Variants in ADGRV1 observed in about 807,000 individuals in gnomAD.
ADGRV1 encodes the protein adhesion G protein-coupled receptor V1.
A neutral mutation model predicts 596.2 loss-of-function variants in ADGRV1; 359 were observed. The ratio of observed to expected loss-of-function variants is 0.60; its 90% CI spans 0.55 to 0.66. ADGRV1 has a LOEUF of 0.66. Ranked by LOEUF, ADGRV1 falls within the 30% of genes least tolerant of loss-of-function variation. The pLI, the probability that ADGRV1 is intolerant of heterozygous loss-of-function variation, is 0.00. For missense variants in ADGRV1, 7,274 were observed against 7,575.6 expected (o/e 0.96, Z 1.48); for synonymous variants, 2,681 against 2,679.2 (o/e 1.00, Z -0.02).
intron 85 of ADGRV1, among the ~76,000 whole-genome samples, chr5:90,992,123 C>T (rs1263183496): frequency 1.3e-5 from 2 of 152,238 alleles, no homozygotes; most frequent in Non-Finnish European, 2.9e-5. Context: ...TGAAAGTACG[C>T]TTCCCCACGA....
intron 87 of ADGRV1, among the ~76,000 whole-genome samples, chr5:91,140,591 C>A (rs1190577644): frequency 6.6e-6 from 1 of 151,868 alleles, no homozygotes; most frequent in Non-Finnish European, 1.5e-5. Context: ...GATGCCAAAC[C>A]TTTTCTATAT....
intron 87 of ADGRV1, among the ~76,000 whole-genome samples, chr5:91,123,669 G>T (rs1793514748): frequency 6.6e-6 from 1 of 152,162 alleles, no homozygotes. Flanking sequence ...TTTCTGAATT[G>T]ACTTATAATT....
chr5:90,760,076 C>G (rs897251184), intron 58 of ADGRV1: 1 of 152,626 alleles, frequency 6.6e-6, no homozygotes, highest in Non-Finnish European at 1.4e-5. Flanking sequence ...AGTTTGAGAC[C>G]AGCTTGGCCA....
In ADGRV1 at chr5:91,146,765, C is replaced by T. The variant is rs749569626; in HGVS notation, c.18433-3265C>T. ...ACTTTTTTGGAAGTTAAGAAGTTTG[C>T]TTTCTAAAACAAAATGTACATAGCT... On this transcript the variant is annotated intron_variant, in intron 87 of 89. Transcript: ENST00000405460. Among the ~76,000 whole-genome samples the T allele has an allele frequency of 1.2e-4, 19 of 152,134 alleles. 1 individual carries two copies. The highest frequency in any genetic ancestry group is 4.1e-4 in the South Asian group (2 of 4,828).
At chr5:90,783,627 G>C (rs1759100546) in intron 66 of ADGRV1, among the ~76,000 whole-genome samples, 1 of 152,140 alleles carries the variant, frequency 6.6e-6, no homozygotes, top group Non-Finnish European at 1.5e-5. Flanking sequence ...CAATTAAAAA[G>C]AGGGCAAGAA....
intron 50 of ADGRV1, among the ~76,000 whole-genome samples, chr5:90,737,744 C>T (rs1753436242): frequency 6.6e-6 from 1 of 151,864 alleles, no homozygotes; most frequent in Non-Finnish European, 1.5e-5. Flanking sequence ...ATAAGTATAT[C>T]TACCCTTCTG....
intron 85 of ADGRV1, among the ~76,000 whole-genome samples, chr5:90,998,765 G>A (rs1208554020): frequency 6.6e-6 from 1 of 152,102 alleles, no homozygotes; most frequent in Non-Finnish European, 1.5e-5. Flanking sequence ...GGCAGTGCCT[G>A]TTTCCCAACA....
At chr5:91,013,931 C>T (rs1420350535) in intron 85 of ADGRV1, among the ~76,000 whole-genome samples, 1 of 151,914 alleles carries the variant, frequency 6.6e-6, no homozygotes. Flanking sequence ...TATGGCTAGA[C>T]ATTTATCCCA....
At chr5:90,721,264 G>A (rs1750886159) in intron 45 of ADGRV1, among the ~76,000 whole-genome samples, 2 of 152,060 alleles carry the variant, frequency 1.3e-5, no homozygotes, top group South Asian at 4.1e-4. Flanking sequence ...CAGCACTTTG[G>A]AAGGCCGAGG....
intron 68 of ADGRV1, among the ~76,000 whole-genome samples, chr5:90,788,892 A>T (rs1000295751): frequency 6.8e-5 from 10 of 147,104 alleles, no homozygotes; most frequent in East Asian, 3.9e-4. Flanking sequence ...ACACACACAC[A>T]CTCACACACA....
chr5:91,113,305 AAT>A (rs1792544699), intron 87 of ADGRV1, among the ~76,000 whole-genome samples: 1 of 152,168 alleles, frequency 6.6e-6, no homozygotes, highest in Non-Finnish European at 1.5e-5. Flanking sequence ...AAAGCACTCA[AAT>A]GCAAATGAAA....
At chr5:91,015,164 T>A (rs751637325) in intron 85 of ADGRV1, among the ~76,000 whole-genome samples, 22 of 152,154 alleles carry the variant, frequency 1.4e-4, no homozygotes, top group Admixed American at 3.9e-4. Flanking sequence ...GAGCATATTG[T>A]TTAATCTGCA....
At chr5:90,721,908 G>T (rs1460908634) in intron 45 of ADGRV1, among the ~76,000 whole-genome samples, 2 of 152,186 alleles carry the variant, frequency 1.3e-5, no homozygotes, top group Non-Finnish European at 2.9e-5. Flanking sequence ...CATAAGTGAA[G>T]AACTTGAGTG....
At chr5:91,024,463 G>A (rs1178188979) in intron 85 of ADGRV1, among the ~76,000 whole-genome samples, 1 of 152,054 alleles carries the variant, frequency 6.6e-6, no homozygotes. Flanking sequence ...TCCTCTGTAA[G>A]TCAGCATTGA....
At chr5:90,759,800 A>G (rs1021796555) in intron 58 of ADGRV1, 11 of 490,554 alleles carry the variant, frequency 2.2e-5, no homozygotes, top group Non-Finnish European at 3.7e-5. Flanking sequence ...TCCCGTCTCT[A>G]CTGAAAGTAC....
chr5:90,866,085 C>T lies in ADGRV1; in HGVS notation c.17856+2228C>T, dbSNP rs79833639. On this transcript the variant is annotated intron_variant, in intron 83 of 89. Coordinates refer to ENST00000405460, the MANE Select transcript of ADGRV1 (RefSeq NM_032119.4). ...AGTTGTGAATACTTTGCAGACAAGT[C>T]TGCCAAGACCATTCATTTTCAAATC... 5.8e-3 allele frequency among the ~76,000 whole-genome samples: 885 copies of T among 152,232 alleles called. 9 individuals are homozygous for T. The highest frequency in any genetic ancestry group is 9.2e-3 in the Non-Finnish European group (627 of 67,988).
chr5:90,931,449 A>G (rs1467224427), intron 83 of ADGRV1, among the ~76,000 whole-genome samples: 1 of 152,244 alleles, frequency 6.6e-6, no homozygotes, highest in Non-Finnish European at 1.5e-5. Context: ...AATAGTTTCT[A>G]TAAATCAAAT....
chr5:90,765,765 T>C (rs1372598736), intron 59 of ADGRV1, among the ~76,000 whole-genome samples: 1 of 151,888 alleles, frequency 6.6e-6, no homozygotes, highest in Non-Finnish European at 1.5e-5. Context: ...AATGCAGTGA[T>C]GCGATCATAG....
chr5:90,931,516 A>G (rs1297338048), intron 83 of ADGRV1, among the ~76,000 whole-genome samples: 1 of 152,194 alleles, frequency 6.6e-6, no homozygotes, highest in Non-Finnish European at 1.5e-5. Context: ...TTCACTAGGT[A>G]AAATGTTTGC....
Sources: allele counts gnomAD v4.1 joint callset (sites outside exome capture counted in the v4.1 genomes callset), GRCh38; gene constraint gnomAD v4.1.1; transcripts MANE v1.5; gene names NCBI Gene and HGNC (gene_info 2026-07-23, HGNC 2026-07-21).